Variants in DTNBP1 observed in about 807,000 individuals in gnomAD.
DTNBP1 encodes the protein dystrobrevin binding protein 1.
DTNBP1 carries 35 observed loss-of-function variants against 42.8 expected under a neutral mutation model. The ratio of observed to expected loss-of-function variants is 0.82; its 90% CI spans 0.63 to 1.09. The LOEUF (loss-of-function observed/expected upper bound fraction) is 1.09, where lower values mean the gene tolerates loss of function less well. Ranked by LOEUF, DTNBP1 falls within the 50% of genes least tolerant of loss-of-function variation. The pLI, the probability that DTNBP1 is intolerant of heterozygous loss-of-function variation, is 0.00. For synonymous variants in DTNBP1, 171 were observed against 162.2 expected (o/e 1.05, Z -0.41); for missense variants, 457 against 424.2 (o/e 1.08, Z -0.68).
In DTNBP1 at chr6:15,529,375, C is replaced by T. The variant is rs1446226528; in HGVS notation, c.667+3865G>A. On this transcript the variant is annotated intron_variant, in intron 8 of 9. Transcript: ENST00000344537. ...CATCAATGAATAAATTACATTTATT[C>T]AATGGAAATAAATATTTAAGGATGG... Among the ~76,000 whole-genome samples, 9 of 152,134 alleles carry T rather than the reference C, an allele frequency of 5.9e-5. No individual in the cohort carries two copies. In the East Asian group the frequency reaches 1.7e-3, roughly 29 times the overall value.
chr6:15,602,480 A>G (rs1329791585), intron 6 of DTNBP1, among the ~76,000 whole-genome samples: 1 of 152,270 alleles, frequency 6.6e-6, no homozygotes, highest in Admixed American at 6.5e-5. Context: ...AGCTACATTC[A>G]ACTGAAGACT....
chr6:15,651,266 G>C, intron 3 of DTNBP1, 47 bp downstream of exon 3: 1 of 1,568,366 alleles, frequency 6.4e-7, no homozygotes, highest in Non-Finnish European at 8.8e-7. Flanking sequence ...TTTTTGGTCA[G>C]TAAAAAAGTC....
At chr6:15,651,410 TG>T in intron 2 of DTNBP1, 47 bp from the exon 3 acceptor site, 2 of 1,580,304 alleles carry the variant, frequency 1.3e-6, no homozygotes, top group Non-Finnish European at 1.7e-6. Flanking sequence ...TTTAGCCAAC[TG>T]AAAAAAAAAA....
intron 6 of DTNBP1, among the ~76,000 whole-genome samples, chr6:15,598,556 G>C (rs1489570631): frequency 6.6e-6 from 1 of 152,104 alleles, no homozygotes; most frequent in African/African-American, 2.4e-5. Flanking sequence ...CTATTACTGT[G>C]ACTACTTGTT....
chr6:15,528,639 C>T (rs563477928), intron 8 of DTNBP1, among the ~76,000 whole-genome samples: 26 of 152,100 alleles, frequency 1.7e-4, no homozygotes, highest in Non-Finnish European at 3.2e-4. Context: ...TACCAAGTGC[C>T]GGCGAAGATG....
intron 5 of DTNBP1, 94 bp from the exon 6 acceptor site, chr6:15,615,493 T>G: frequency 6.6e-7 from 1 of 1,514,262 alleles, no homozygotes. Context: ...TTCACATTGT[T>G]GAGATTGTTT....
At chr6:15,545,540 A>G (rs1246017982) in intron 7 of DTNBP1, among the ~76,000 whole-genome samples, 1 of 152,192 alleles carries the variant, frequency 6.6e-6, no homozygotes, top group Non-Finnish European at 1.5e-5. Context: ...ATACTTTTAC[A>G]TGCAACTAAA....
chr6:15,535,490 G>C (rs545912043), intron 7 of DTNBP1, among the ~76,000 whole-genome samples: 1 of 152,106 alleles, frequency 6.6e-6, no homozygotes, highest in Non-Finnish European at 1.5e-5. Context: ...CTAATTTTTT[G>C]TATTTTTAGT....
chr6:15,579,682 G>A (rs1001147793), intron 7 of DTNBP1, among the ~76,000 whole-genome samples: 2 of 152,182 alleles, frequency 1.3e-5, no homozygotes, highest in Non-Finnish European at 2.9e-5. Context: ...GCAGGCGCCT[G>A]TAATCCCAGC....
At chr6:15,550,697 A>G (rs1444500095) in intron 7 of DTNBP1, among the ~76,000 whole-genome samples, 4 of 152,366 alleles carry the variant, frequency 2.6e-5, no homozygotes, top group Middle Eastern at 3.4e-3. Flanking sequence ...TTATGAATAA[A>G]TCAGTATTAT....
chr6:15,620,517 A>C (rs1758984794), intron 5 of DTNBP1, among the ~76,000 whole-genome samples: 1 of 152,114 alleles, frequency 6.6e-6, no homozygotes, highest in Non-Finnish European at 1.5e-5. Flanking sequence ...TTAAATGAAA[A>C]ACTGACTAGG....
At chr6:15,620,747 T>A (rs1024550187) in intron 5 of DTNBP1, among the ~76,000 whole-genome samples, 7 of 152,230 alleles carry the variant, frequency 4.6e-5, no homozygotes, top group African/African-American at 7.2e-5. Flanking sequence ...TTCAGTATCG[T>A]GCATGTATGC....
chr6:15,630,976 A>T (rs1759665283), intron 4 of DTNBP1, among the ~76,000 whole-genome samples: 1 of 152,226 alleles, frequency 6.6e-6, no homozygotes, highest in African/African-American at 2.4e-5. Flanking sequence ...TGCTTGTTTT[A>T]TAAACTATTG....
intron 6 of DTNBP1, among the ~76,000 whole-genome samples, chr6:15,606,579 G>A (rs1051847267): frequency 2.0e-5 from 3 of 152,104 alleles, no homozygotes; most frequent in African/African-American, 7.2e-5. Flanking sequence ...AAAGCCATAG[G>A]AGCCTATTGC....
chr6:15,585,106 TATATA>T (rs1776019742), intron 7 of DTNBP1, among the ~76,000 whole-genome samples: 2 of 97,364 alleles, frequency 2.1e-5, no homozygotes, highest in African/African-American at 7.9e-5. Flanking sequence ...TATATATATA[TATATA>T]TTCAACCTGT....
chr6:15,660,315 A>G (rs1046701118), intron 1 of DTNBP1: 2 of 1,271,504 alleles, frequency 1.6e-6, no homozygotes, highest in African/African-American at 3.1e-5. Flanking sequence ...AGTTATGTAA[A>G]GGAGGTTGAT....
At chr6:15,640,887 C>G (rs894268099) in intron 3 of DTNBP1, among the ~76,000 whole-genome samples, 3 of 152,174 alleles carry the variant, frequency 2.0e-5, no homozygotes, top group African/African-American at 7.2e-5. Context: ...ACCCCAACCC[C>G]TGGACAGGTA....
At chr6:15,530,691 C>G (rs1312670027) in intron 8 of DTNBP1, among the ~76,000 whole-genome samples, 1 of 152,024 alleles carries the variant, frequency 6.6e-6, no homozygotes, top group Non-Finnish European at 1.5e-5. Context: ...ACGGCTCTCC[C>G]TACAATGGGA....
At chr6:15,590,459 C>G (rs1021184988) in intron 7 of DTNBP1, among the ~76,000 whole-genome samples, 1 of 152,146 alleles carries the variant, frequency 6.6e-6, no homozygotes, top group African/African-American at 2.4e-5. Flanking sequence ...CCACTTTTGT[C>G]CTACCTCATC....
Sources: allele counts gnomAD v4.1 joint callset (sites outside exome capture counted in the v4.1 genomes callset), GRCh38; gene constraint gnomAD v4.1.1; transcripts MANE v1.5; gene names NCBI Gene and HGNC (gene_info 2026-07-23, HGNC 2026-07-21).